The following ODF2L variants were observed in gnomAD, a reference collection of about 807,000 sequenced individuals.
The protein encoded by ODF2L is outer dense fiber of sperm tails 2 like, also known as protein BCAP.
A neutral mutation model predicts 86.3 loss-of-function variants in ODF2L; 76 were observed. The observed-to-expected ratio is 0.88, with a 90% CI of 0.73 to 1.07. The LOEUF (loss-of-function observed/expected upper bound fraction) is 1.07, where lower values mean the gene tolerates loss of function less well. Among genes scored for constraint, ODF2L ranks in the 50% least tolerant of loss-of-function variants. ODF2L has a pLI of 0.00. For missense variants in ODF2L, 748 were observed against 717.4 expected (o/e 1.04, Z -0.49); for synonymous variants, 241 against 231.3 (o/e 1.04, Z -0.38).
chr1:86,368,652 T>C (rs1659602948), exon 11 of ODF2L: 1 of 1,442,396 alleles, frequency 6.9e-7, no homozygotes, highest in East Asian at 2.7e-5. Flanking sequence ...AGAAGAAATG[T>C]AGCAAAGCAT....
intron 16 of ODF2L, 25 bp downstream of exon 15, chr1:86,354,505 G>A: frequency 1.3e-5 from 19 of 1,493,552 alleles, no homozygotes; most frequent in Non-Finnish European, 1.7e-5. Context: ...GAATTAAAAA[G>A]TTTCTAAATA....
At chr1:86,349,565 C>T (rs1262563208), downstream of ODF2L, 1 of 152,052 alleles carries the variant, frequency 6.6e-6, no homozygotes, top group Non-Finnish European at 1.5e-5. Context: ...GAGCAATGCC[C>T]AGCTCAGGAA....
At chr1:86,370,963 A>C in intron 10 of ODF2L, 55 bp downstream of exon 10, 1 of 1,180,804 alleles carries the variant, frequency 8.5e-7, no homozygotes, top group South Asian at 2.4e-5. Context: ...ATTTCTACTA[A>C]GTAGACTATG....
Position 86,384,814 on chromosome 1 carries a change from A to G in ODF2L, c.247-13T>C. The G allele has an allele frequency of 6.8e-7, 1 of 1,479,560 alleles. No individual in the cohort carries two copies. Among genetic ancestry groups the G allele is most frequent in the South Asian group, 1.4e-5 (1 of 69,694 alleles). 91.7% of individuals were successfully genotyped at this position (1,479,560 alleles called of 1,614,324 possible). ...CAGAAAGATTCGCCTGACAAATTAT[A>G]AGAACCACATACACATTTTAAGACA... On this transcript the variant is annotated splice_polypyrimidine_tract_variant and intron_variant, in intron 3 of 17. Coordinates refer to ENST00000317336, the Ensembl canonical transcript of ODF2L.
intron 14 of ODF2L, among the ~76,000 whole-genome samples, chr1:86,355,783 A>G (rs201743320): frequency 1.1e-4 from 8 of 74,904 alleles, no homozygotes; most frequent in South Asian, 4.6e-4. Context: ...AAAATGCAGT[A>G]TTTTTTTTTG....
chr1:86,360,812 A>C (rs979419947), intron 11 of ODF2L: 18 of 204,534 alleles, frequency 8.8e-5, no homozygotes, highest in Admixed American at 1.8e-4. Context: ...ATGAAAAATC[A>C]ATAGAATACA....
chr1:86,388,559 T>C (rs1020649940), intron 1 of ODF2L, among the ~76,000 whole-genome samples: 2 of 151,912 alleles, frequency 1.3e-5, no homozygotes, highest in Non-Finnish European at 1.5e-5. Context: ...AAGAATATAA[T>C]GACTAAAGAC....
rs775767479 is a variant in ODF2L, at chr1:86,351,690, G to A, written c.*501C>T. 36 of 159,344 alleles carry A rather than the reference G, an allele frequency of 2.3e-4. 1 individual carries two copies. In the Middle Eastern group the frequency reaches 0.022, roughly 99 times the overall value. The allele number at this position is 159,344 out of a possible 1,614,324, so 9.9% of individuals were successfully genotyped here. On this transcript the variant is annotated 3_prime_UTR_variant, in exon 18 of 18. Transcript: ENST00000317336. Reference sequence around the variant, plus strand: ...TCTATAAATTACTTTGGGGAGTATAGCCATTTTCATGATCTTGTTTCATCT... The same window carrying A: ...TCTATAAATTACTTTGGGGAGTATAACCATTTTCATGATCTTGTTTCATCT...
At chr1:86,376,149 T>G (rs1660153550) in intron 8 of ODF2L, 84 bp downstream of exon 8, 1 of 674,282 alleles carries the variant, frequency 1.5e-6, no homozygotes. Context: ...AGAATAAAAT[T>G]ACTATATTAA....
chr1:86,369,198 A>C (rs932562985), intron 10 of ODF2L, among the ~76,000 whole-genome samples: 1 of 152,160 alleles, frequency 6.6e-6, no homozygotes, highest in Non-Finnish European at 1.5e-5. Flanking sequence ...TATTGCTTGA[A>C]GAACCATAAA....
intron 12 of ODF2L, 129 bp downstream of exon 11, chr1:86,360,297 G>A (rs1296166870): frequency 1.8e-6 from 1 of 541,804 alleles, no homozygotes; most frequent in Non-Finnish European, 3.3e-6. Flanking sequence ...AAATATTTGA[G>A]ACACACCATA....
At chr1:86,387,722 A>G (rs1284882159) in intron 1 of ODF2L, among the ~76,000 whole-genome samples, 1 of 152,140 alleles carries the variant, frequency 6.6e-6, no homozygotes, top group Non-Finnish European at 1.5e-5. Context: ...TAATTTCTTC[A>G]AAACTACTCC....
rs953540283 is a variant in ODF2L at position 86,350,775 on chromosome 1, T to C, written c.*1416A>G. 1.2e-4 allele frequency: 18 copies of C among 152,326 alleles called. 1 individual carries two copies. Among genetic ancestry groups the C allele is most frequent in the African/African-American group, 4.1e-4 (17 of 41,574 alleles). The allele number at this position is 152,326 out of a possible 1,614,324, so 9.4% of individuals were successfully genotyped here. A position where few individuals can be genotyped will look rare whatever the true frequency, so the allele number is the denominator to read the frequency against. ...TCTCCAGCATCTGTTGTTTCCTGTC[T>C]TTTTAATGATCACCATTCTAATTGG... is the stretch of plus-strand genomic sequence containing the variant. On this transcript the variant is annotated 3_prime_UTR_variant, in exon 18 of 18. Transcript: ENST00000317336.
intron 9 of ODF2L, among the ~76,000 whole-genome samples, 195 bp from the exon 10 acceptor site, chr1:86,371,348 G>C (rs11161805): frequency 1.3e-5 from 2 of 151,912 alleles, no homozygotes; most frequent in Non-Finnish European, 2.9e-5. Context: ...AAGTAACTCT[G>C]ATTAGAAACA....
chr1:86,375,382 A>AG (rs1170161117), intron 8 of ODF2L, among the ~76,000 whole-genome samples: 1 of 152,152 alleles, frequency 6.6e-6, no homozygotes, highest in Non-Finnish European at 1.5e-5. Context: ...AGGAAATTGA[A>AG]GAGGTTAAGT....
intron 1 of ODF2L, among the ~76,000 whole-genome samples, chr1:86,393,542 A>G (rs529160182): frequency 9.8e-5 from 15 of 152,330 alleles, no homozygotes; most frequent in African/African-American, 3.4e-4. Context: ...AAAAAGAAGG[A>G]TGTATATTTA....
chr1:86,389,863 T>C (rs1661194281), intron 1 of ODF2L, among the ~76,000 whole-genome samples: 1 of 152,022 alleles, frequency 6.6e-6, no homozygotes, highest in African/African-American at 2.4e-5. Context: ...AACAGACCAA[T>C]AACAACCAGT....
At chr1:86,361,364 G>A (rs920976565) in intron 11 of ODF2L, among the ~76,000 whole-genome samples, 1 of 152,146 alleles carries the variant, frequency 6.6e-6, no homozygotes, top group Admixed American at 6.6e-5. Flanking sequence ...CTGAGTTTAG[G>A]GAACCCAAAT....
chr1:86,356,358 CCT>C (rs1658557901), intron 14 of ODF2L, 84 bp downstream of exon 13: 1 of 1,054,062 alleles, frequency 9.5e-7, no homozygotes, highest in Non-Finnish European at 1.4e-6. Flanking sequence ...AAAATCAAGC[CCT>C]GACATGAGTG....
Sources: gnomAD v4.1 joint callset for allele counts (sites outside exome capture counted in the v4.1 genomes callset) on GRCh38, gnomAD v4.1.1 for gene constraint, MANE v1.5 for transcripts, NCBI Gene and HGNC (gene_info 2026-07-23, HGNC 2026-07-21) for gene names.